Variants in KIAA0825 observed in about 807,000 individuals in gnomAD.
KIAA0825 encodes the protein KIAA0825, also known as uncharacterized protein KIAA0825.
KIAA0825 carries 119 observed loss-of-function variants against 147.6 expected under a neutral mutation model. That is an observed-to-expected ratio of 0.81 (90% CI 0.69 to 0.94). The LOEUF is 0.94. Ranked by LOEUF, KIAA0825 falls within the 40% of genes least tolerant of loss-of-function variation. The probability of loss-of-function intolerance (pLI) is 0.00; values close to 1 mark genes in which losing one functional copy is unlikely to be tolerated. For missense variants in KIAA0825, 1,381 were observed against 1,472.7 expected, an observed-to-expected ratio of 0.94 and a Z score of 1.02; for synonymous variants, 470 against 518.1, an observed-to-expected ratio of 0.91 and a Z score of 1.26.
intron 14 of KIAA0825, among the ~76,000 whole-genome samples, chr5:94,430,825 T>A (rs1755564593): frequency 1.3e-5 from 2 of 152,194 alleles, no homozygotes; most frequent in Admixed American, 1.3e-4. Context: ...TCAATGCAGG[T>A]GAAACATCAC....
intron 20 of KIAA0825, among the ~76,000 whole-genome samples, chr5:94,367,406 G>A (rs1267545885): frequency 6.6e-6 from 1 of 152,156 alleles, no homozygotes; most frequent in Non-Finnish European, 1.5e-5. Flanking sequence ...GCTGAGGCAG[G>A]AGAATCACTT....
chr5:94,397,118 T>C (rs773084995), intron 16 of KIAA0825, among the ~76,000 whole-genome samples: 10 of 152,144 alleles, frequency 6.6e-5, no homozygotes, highest in Non-Finnish European at 1.0e-4. Flanking sequence ...AATTATGTCC[T>C]TTTCCTGCAC....
intron 5 of KIAA0825, among the ~76,000 whole-genome samples, chr5:94,518,872 T>C (rs1049393184): frequency 1.3e-5 from 2 of 152,136 alleles, no homozygotes; most frequent in African/African-American, 2.4e-5. Flanking sequence ...TTTTCAACCA[T>C]ATGGATCTTT....
At chr5:94,409,387 G>T (rs1200094335) in intron 15 of KIAA0825, among the ~76,000 whole-genome samples, 1 of 152,112 alleles carries the variant, frequency 6.6e-6, no homozygotes, top group East Asian at 1.9e-4. Context: ...ACAAATTAAA[G>T]TCTGAATGTA....
chr5:94,176,249 T>G (rs1769088885), intron 20 of KIAA0825, among the ~76,000 whole-genome samples: 1 of 152,054 alleles, frequency 6.6e-6, no homozygotes, highest in Admixed American at 6.6e-5. Flanking sequence ...GCCTCCCTGG[T>G]TTCTCTCTCT....
chr5:94,395,927 G>A (rs1198376320), intron 17 of KIAA0825, among the ~76,000 whole-genome samples, 174 bp downstream of exon 17: 1 of 152,142 alleles, frequency 6.6e-6, no homozygotes, highest in Non-Finnish European at 1.5e-5. Context: ...GACAAGAAAT[G>A]TGCAACAATC....
rs780570544 is a variant in KIAA0825, at chr5:94,523,996, ATAGT to A, written c.230_233del (p.Asn77IlefsTer16). ...AAGATGATTCAGATGTACTGTAATTATAGTTAGTTAGCCATTCAAAGCAGTCAGT... is the reference window on the plus strand; with the variant it reads ...AAGATGATTCAGATGTACTGTAATTATAGTTAGCCATTCAAAGCAGTCAGT... On this transcript the variant is annotated frameshift_variant, in exon 4 of 21. Transcript: ENST00000682413. LOFTEE classifies it high-confidence loss of function. 22 of 1,609,536 alleles carry A rather than the reference ATAGT, an allele frequency of 1.4e-5. No individual in the cohort carries two copies. The highest frequency in any genetic ancestry group is 4.0e-5 in the African/African-American group (3 of 74,748).
At chr5:94,546,510 C>CT (rs1774399889) in intron 2 of KIAA0825, among the ~76,000 whole-genome samples, 2 of 128,472 alleles carry the variant, frequency 1.6e-5, no homozygotes, top group Non-Finnish European at 3.3e-5. Context: ...CTCCAGGTGG[C>CT]TCAGCACAGA....
intron 2 of KIAA0825, among the ~76,000 whole-genome samples, chr5:94,581,857 G>A (rs1045325964): frequency 1.3e-5 from 2 of 152,070 alleles, no homozygotes; most frequent in Non-Finnish European, 2.9e-5. Flanking sequence ...AAAATAACTG[G>A]CTGGCATCAT....
intron 20 of KIAA0825, among the ~76,000 whole-genome samples, chr5:94,243,014 TG>T (rs1321812916): frequency 1.3e-5 from 2 of 152,208 alleles, no homozygotes; most frequent in African/African-American, 4.8e-5. Context: ...ATAACTAACT[TG>T]GTAGAAATCC....
At chr5:94,496,050 T>G (rs560495623) in intron 5 of KIAA0825, among the ~76,000 whole-genome samples, 27 of 151,516 alleles carry the variant, frequency 1.8e-4, no homozygotes, top group African/African-American at 6.3e-4. Flanking sequence ...AAGACAAGAG[T>G]AGGTGGGAAG....
At chr5:94,593,561 C>A in intron 1 of KIAA0825, 1 of 565,150 alleles carries the variant, frequency 1.8e-6, no homozygotes, top group Non-Finnish European at 3.3e-6. Context: ...ATTGCAGGAC[C>A]TGAAGAAAAG....
At chr5:94,318,538 C>G (rs1050910012) in intron 20 of KIAA0825, among the ~76,000 whole-genome samples, 1 of 151,916 alleles carries the variant, frequency 6.6e-6, no homozygotes, top group Non-Finnish European at 1.5e-5. Flanking sequence ...AAATGCACAT[C>G]TGTCCTTGCT....
chr5:94,572,385 A>G (rs1432496382), intron 2 of KIAA0825, among the ~76,000 whole-genome samples: 1 of 152,202 alleles, frequency 6.6e-6, no homozygotes, highest in African/African-American at 2.4e-5. Flanking sequence ...TCTGGAAAGG[A>G]TCTAAAAAAG....
At chr5:94,470,966 T>G (rs1285345749) in intron 9 of KIAA0825, among the ~76,000 whole-genome samples, 3 of 152,218 alleles carry the variant, frequency 2.0e-5, no homozygotes, top group Non-Finnish European at 4.4e-5. Context: ...AGACTACAGA[T>G]ACATGAAAAT....
At chr5:94,212,697 G>A (rs1756137518) in intron 20 of KIAA0825, among the ~76,000 whole-genome samples, 1 of 152,152 alleles carries the variant, frequency 6.6e-6, no homozygotes, top group South Asian at 2.1e-4. Context: ...ACCTCAGTTT[G>A]GGAAATCCAA....
At chr5:94,576,552 C>T (rs1353050133) in intron 2 of KIAA0825, among the ~76,000 whole-genome samples, 1 of 152,168 alleles carries the variant, frequency 6.6e-6, no homozygotes, top group African/African-American at 2.4e-5. Flanking sequence ...ACAGAGTCCC[C>T]ACAAACAAGA....
chr5:94,454,631 G>GT (rs1758856007), intron 12 of KIAA0825, among the ~76,000 whole-genome samples: 1 of 152,194 alleles, frequency 6.6e-6, no homozygotes, highest in African/African-American at 2.4e-5. Flanking sequence ...ACCAGGATAT[G>GT]TTTTTCTAAG....
intron 6 of KIAA0825, among the ~76,000 whole-genome samples, chr5:94,484,161 A>G (rs921669705): frequency 7.9e-5 from 12 of 151,808 alleles, no homozygotes; most frequent in African/African-American, 2.9e-4. Flanking sequence ...ACTAAACTAA[A>G]AACAACATAT....
Sources: gnomAD v4.1 joint callset for allele counts (sites outside exome capture counted in the v4.1 genomes callset) on GRCh38, gnomAD v4.1.1 for gene constraint, MANE v1.5 for transcripts, NCBI Gene and HGNC (gene_info 2026-07-23, HGNC 2026-07-21) for gene names.